SSBP2: variants seen among roughly 807,000 people sequenced by gnomAD.
The protein encoded by SSBP2 is single stranded DNA binding protein 2, also known as single-stranded DNA-binding protein 2.
A neutral mutation model predicts 61.8 loss-of-function variants in SSBP2; 17 were observed. That is an observed-to-expected ratio of 0.28 (90% CI 0.19 to 0.41). The LOEUF is 0.41. Among genes scored for constraint, SSBP2 ranks in the 10% least tolerant of loss-of-function variants. The pLI is 1.00. For missense variants in SSBP2, 310 were observed against 458.7 expected, an observed-to-expected ratio of 0.68 and a Z score of 2.96; for synonymous variants, 139 against 141.3, an observed-to-expected ratio of 0.98 and a Z score of 0.12.
intron 1 of SSBP2, among the ~76,000 whole-genome samples, chr5:81,714,284 C>T (rs973371618): frequency 2.6e-5 from 4 of 152,168 alleles, no homozygotes; most frequent in African/African-American, 9.7e-5. Flanking sequence ...ATATGTGCCA[C>T]ATTTTATTTA....
At chr5:81,712,333 G>C (rs1389141152) in intron 1 of SSBP2, among the ~76,000 whole-genome samples, 1 of 148,964 alleles carries the variant, frequency 6.7e-6, no homozygotes, top group Admixed American at 6.8e-5. Context: ...AAAAGGGAAA[G>C]GATCATGTCT....
At chr5:81,534,509 T>C (rs559185283) in intron 4 of SSBP2, among the ~76,000 whole-genome samples, 1 of 152,130 alleles carries the variant, frequency 6.6e-6, no homozygotes, top group South Asian at 2.1e-4. Flanking sequence ...AGGAGAAAGA[T>C]GAAAATTCTA....
intron 2 of SSBP2, among the ~76,000 whole-genome samples, chr5:81,643,631 C>G (rs1302092239): frequency 3.8e-5 from 3 of 77,976 alleles, no homozygotes; most frequent in East Asian, 4.8e-4. Context: ...GAGATGGAGT[C>G]TTGCTTTGTC....
chr5:81,437,502 CA>C, intron 14 of SSBP2, 44 bp from the exon 15 acceptor site: 1 of 1,530,788 alleles, frequency 6.5e-7, no homozygotes, highest in Non-Finnish European at 8.9e-7. Context: ...GGTAAGATTT[CA>C]TTTATAAATT....
intron 1 of SSBP2, among the ~76,000 whole-genome samples, chr5:81,702,253 C>A (rs919257035): frequency 6.6e-6 from 1 of 152,104 alleles, no homozygotes; most frequent in South Asian, 2.1e-4. Flanking sequence ...CACCTGTAGT[C>A]CCAGCTACTC....
chr5:81,577,853 C>T (rs1321952696), intron 4 of SSBP2, among the ~76,000 whole-genome samples: 1 of 151,870 alleles, frequency 6.6e-6, no homozygotes, highest in Non-Finnish European at 1.5e-5. Flanking sequence ...TGGAAGCATT[C>T]GTTATTAATA....
At chr5:81,716,829 G>A (rs900068825) in intron 1 of SSBP2, among the ~76,000 whole-genome samples, 1 of 152,134 alleles carries the variant, frequency 6.6e-6, no homozygotes, top group African/African-American at 2.4e-5. Context: ...AAAGTGACAT[G>A]AACACATTTA....
chr5:81,653,999 T>C (rs973876774), intron 1 of SSBP2, among the ~76,000 whole-genome samples: 12 of 65,966 alleles, frequency 1.8e-4, no homozygotes, highest in African/African-American at 3.8e-4. Context: ...TTTTGTTTTG[T>C]TTTTTTTTTT....
intron 2 of SSBP2, among the ~76,000 whole-genome samples, chr5:81,640,674 A>G (rs916358798): frequency 6.6e-6 from 1 of 152,128 alleles, no homozygotes; most frequent in African/African-American, 2.4e-5. Flanking sequence ...TCAAAAACCT[A>G]TGTCTCATCC....
At chr5:81,630,794 A>G (rs1364945218) in intron 3 of SSBP2, among the ~76,000 whole-genome samples, 3 of 151,996 alleles carry the variant, frequency 2.0e-5, no homozygotes, top group South Asian at 4.1e-4. Context: ...GCAAAAAGCC[A>G]AAGTATTGAG....
chr5:81,593,234 G>A (rs58881989), intron 4 of SSBP2, among the ~76,000 whole-genome samples: 6,296 of 152,180 alleles, frequency 0.041, 426 homozygotes, highest in African/African-American at 0.14. Context: ...TGGAAGAAAG[G>A]GTATCAGTGA....
intron 4 of SSBP2, among the ~76,000 whole-genome samples, chr5:81,592,568 T>C (rs1229414124): frequency 1.3e-5 from 2 of 152,066 alleles, no homozygotes; most frequent in East Asian, 3.9e-4. Context: ...GACCCCTGAG[T>C]AGCCTAAGTG....
intron 4 of SSBP2, among the ~76,000 whole-genome samples, chr5:81,598,606 TA>T (rs1197477371): frequency 6.6e-6 from 1 of 152,158 alleles, no homozygotes. Context: ...CCACCCTTCT[TA>T]TTGATACTGG....
chr5:81,629,009 C>T (rs1747446165), intron 3 of SSBP2, among the ~76,000 whole-genome samples: 1 of 151,486 alleles, frequency 6.6e-6, no homozygotes, highest in Non-Finnish European at 1.5e-5. Context: ...TTTTTTGAGA[C>T]AAGGTCTTGC....
rs572440740 is a variant in SSBP2 at position 81,433,049 on chromosome 5, C to T, written c.958-4366G>A. On this transcript the variant is annotated intron_variant, in intron 15 of 16. Transcript: ENST00000320672. Reference sequence around the variant, plus strand: ...GAGGTGAGGGGCGCCTCTGCCCGGCCGCCCCTACTGGGAAGTGAGGAGCCC... The same window carrying T: ...GAGGTGAGGGGCGCCTCTGCCCGGCTGCCCCTACTGGGAAGTGAGGAGCCC... Among the ~76,000 whole-genome samples the T allele has an allele frequency of 1.3e-4, 20 of 152,092 alleles. No homozygotes were observed. In the South Asian group the frequency reaches 2.5e-3, roughly 19 times the overall value.
At chr5:81,567,036 G>A (rs1773473473) in intron 4 of SSBP2, among the ~76,000 whole-genome samples, 1 of 152,184 alleles carries the variant, frequency 6.6e-6, no homozygotes, top group Non-Finnish European at 1.5e-5. Flanking sequence ...TGGAAAATTT[G>A]CAGCCTGACA....
chr5:81,701,355 T>C (rs775755214), intron 1 of SSBP2, among the ~76,000 whole-genome samples: 1 of 152,126 alleles, frequency 6.6e-6, no homozygotes, highest in South Asian at 2.1e-4. Context: ...TCACTGATCA[T>C]AGAACCTCAT....
At chr5:81,603,003 C>T (rs1744525789) in intron 4 of SSBP2, among the ~76,000 whole-genome samples, 2 of 152,188 alleles carry the variant, frequency 1.3e-5, no homozygotes, top group African/African-American at 4.8e-5. Flanking sequence ...TGGTCCCATG[C>T]ACTTTAGGTT....
At chr5:81,470,875 T>C (rs1391279332) in intron 8 of SSBP2, among the ~76,000 whole-genome samples, 1 of 151,908 alleles carries the variant, frequency 6.6e-6, no homozygotes, top group African/African-American at 2.4e-5. Flanking sequence ...GTTTATAATG[T>C]ATATGTTTAT....
Sources: allele counts gnomAD v4.1 joint callset (sites outside exome capture counted in the v4.1 genomes callset), GRCh38; gene constraint gnomAD v4.1.1; transcripts MANE v1.5; gene names NCBI Gene and HGNC (gene_info 2026-07-23, HGNC 2026-07-21).